CEP290: variants seen among roughly 807,000 people sequenced by gnomAD.
CEP290 encodes centrosomal protein 290, also known as centrosomal protein of 290 kDa.
Under a neutral mutation model 344.9 loss-of-function variants are expected in CEP290, and 317 were observed. That is an observed-to-expected ratio of 0.92 (90% CI 0.84 to 1.01). The LOEUF is 1.01. CEP290 is among the 50% of genes least tolerant of loss of function. CEP290 has a pLI of 0.00. For synonymous variants in CEP290, 932 were observed against 895.8 expected, an observed-to-expected ratio of 1.04 and a Z score of -0.72; for missense variants, 2,754 against 2,761.4, an observed-to-expected ratio of 1.00 and a Z score of 0.06.
chr12:88,079,242 C>G lies in CEP290; in HGVS notation c.5227-13G>C. On this transcript the variant is annotated splice_polypyrimidine_tract_variant and intron_variant, in intron 38 of 53. Coordinates refer to ENST00000552810, the MANE Select transcript of CEP290 (RefSeq NM_025114.4). Reference sequence around the variant, plus strand: ...CCCGACTAAGTGCCTAAAAATTAACCAAAAAAAAAATGTAATTTTTAAAGG... The same window carrying G: ...CCCGACTAAGTGCCTAAAAATTAACGAAAAAAAAAATGTAATTTTTAAAGG... The G allele has an allele frequency of 8.0e-7, 1 of 1,248,860 alleles. No individual in the cohort carries two copies. Among genetic ancestry groups the G allele is most frequent in the Non-Finnish European group, 1.1e-6 (1 of 918,340 alleles). 77.4% of individuals were successfully genotyped at this position (1,248,860 alleles called of 1,614,324 possible). A position where few individuals can be genotyped will look rare whatever the true frequency, so the allele number is the denominator to read the frequency against.
At chr12:88,131,372 C>G (rs2040062279) in intron 6 of CEP290, among the ~76,000 whole-genome samples, 154 bp from the exon 7 acceptor site, 2 of 151,698 alleles carry the variant, frequency 1.3e-5, no homozygotes, top group African/African-American at 2.4e-5. Flanking sequence ...AAGCAATTCT[C>G]CCACCTCAGC....
chr12:88,103,035 G>C (rs2038015152), intron 25 of CEP290, 24 bp from the exon 26 acceptor site: 2 of 1,464,266 alleles, frequency 1.4e-6, no homozygotes, highest in South Asian at 1.5e-5. Flanking sequence ...GATACACTGA[G>C]TTATGCTGGT....
chr12:88,101,691 G>A (rs2037901201), intron 26 of CEP290, among the ~76,000 whole-genome samples: 1 of 150,636 alleles, frequency 6.6e-6, no homozygotes, highest in Non-Finnish European at 1.5e-5. Context: ...TAGGAAAGAT[G>A]AAAAATACTC....
intron 34 of CEP290, 59 bp downstream of exon 34, chr12:88,085,980 G>A: frequency 6.9e-7 from 1 of 1,458,628 alleles, no homozygotes; most frequent in Non-Finnish European, 9.2e-7. Context: ...ATATTATTTA[G>A]AAAGCCCCCC....
In CEP290 at chr12:88,066,469, GTTTC is replaced by G. The variant is rs200336274; in HGVS notation, c.6135+2049_6135+2052del. Among the ~76,000 whole-genome samples the G allele has an allele frequency of 2.1e-4, 8 of 37,212 alleles. 1 individual carries two copies. Among genetic ancestry groups the G allele is most frequent in the Admixed American group, 8.4e-4 (2 of 2,382 alleles). The allele number at this position is 37,212 out of a possible 152,430, so 24.4% of individuals were successfully genotyped here. On this transcript the variant is annotated intron_variant, in intron 44 of 53. Coordinates refer to ENST00000552810, the MANE Select transcript of CEP290 (RefSeq NM_025114.4). ...TGTGCACAATCACACCCAGCTAATT[GTTTC>G]TTTTTTTTTTTTTTTCTGGTAGAGA...
intron 11 of CEP290, among the ~76,000 whole-genome samples, chr12:88,128,673 T>G (rs945463525): frequency 6.6e-6 from 1 of 152,132 alleles, no homozygotes; most frequent in Non-Finnish European, 1.5e-5. Context: ...AATTATATAT[T>G]TTAGATGCCA....
chr12:88,094,442 T>C (rs923553375), intron 27 of CEP290, among the ~76,000 whole-genome samples: 1 of 152,114 alleles, frequency 6.6e-6, no homozygotes, highest in Non-Finnish European at 1.5e-5. Flanking sequence ...ATATGATGGA[T>C]AGATTCTACC....
In CEP290 at chr12:88,089,231, G is replaced by A. The variant is rs749710169; in HGVS notation, c.3830C>T (p.Ala1277Val). ...IQSLRRQFSGALPLAQQEKFS... is the reference protein window; with the variant it reads ...IQSLRRQFSGVLPLAQQEKFS... ...CTTTTCCTGTTGTGCCAAGGGTAAA[G>A]CTCCACTAAACTGTCGTCGTAGAGA... The change falls in exon 31 of 54, where the codon GCT becomes GTT. Residue 1277 changes from alanine to valine, a missense_variant. Transcript: ENST00000552810. 1.2e-6 allele frequency: 2 copies of A among 1,613,752 alleles called. No homozygotes were observed. The highest frequency in any genetic ancestry group is 2.2e-5 in the East Asian group (1 of 44,870).
In CEP290 at chr12:88,118,232, A is replaced by C. The variant is rs116932106; in HGVS notation, c.1711+251T>G. The stretch of plus-strand genomic sequence containing the variant: ...CTATAAAACTTTTCAAAAATTCCAT[A>C]ATTCTAAGGTTTTTTTCTTTTTTGT... On this transcript the variant is annotated intron_variant, in intron 17 of 53. Transcript: ENST00000552810. 4.2e-3 allele frequency among the ~76,000 whole-genome samples: 640 copies of C among 152,082 alleles called. 6 individuals carry two copies. The highest frequency in any genetic ancestry group is 0.041 in the East Asian group (214 of 5,186).
Position 88,063,975 on chromosome 12 carries a change from A to T in CEP290, c.6270+6T>A, listed in dbSNP as rs781624373. 2 of 1,585,646 alleles carry T rather than the reference A, an allele frequency of 1.3e-6. No individual in the cohort carries two copies. Among genetic ancestry groups the T allele is most frequent in the Non-Finnish European group, 1.7e-6 (2 of 1,167,208 alleles). On this transcript the variant is annotated splice_donor_region_variant and intron_variant, in intron 45 of 53. Transcript: ENST00000552810. ...TAGATTTCCTAATAAAAAACATTAA[A>T]TTCACCTTTAATCTTGGCAAATCTT...
chr12:88,107,165 C>T, intron 23 of CEP290, 67 bp from the exon 24 acceptor site: 2 of 1,001,824 alleles, frequency 2.0e-6, no homozygotes, highest in South Asian at 1.8e-5. Flanking sequence ...GAAAAGATAA[C>T]TTCAGATTAT....
In CEP290 at chr12:88,094,418, T is replaced by C. The variant is rs2037280724; in HGVS notation, c.3104-443A>G. Among the ~76,000 whole-genome samples, 2 of 152,124 alleles carry C rather than the reference T, an allele frequency of 1.3e-5. 1 individual carries two copies. Among genetic ancestry groups the C allele is most frequent in the East Asian group, 3.9e-4 (2 of 5,194 alleles). On this transcript the variant is annotated intron_variant, in intron 27 of 53. Coordinates refer to ENST00000552810, the MANE Select transcript of CEP290 (RefSeq NM_025114.4). ...AGTCTCACAAAGCCAAGCTGAAAAG[T>C]AAAATCTGAAGCCATATGATGGATA...
chr12:88,078,063 T>C (rs931808246), intron 39 of CEP290, 145 bp from the exon 40 acceptor site: 9 of 381,308 alleles, frequency 2.4e-5, no homozygotes, highest in African/African-American at 1.7e-4. Context: ...AACCACAAAC[T>C]ACATATATTT....
At chr12:88,094,056 A>G in intron 27 of CEP290, 81 bp from the exon 28 acceptor site, 2 of 1,070,552 alleles carry the variant, frequency 1.9e-6, no homozygotes. Context: ...GTATATTAGA[A>G]AGCATTATAG....
chr12:88,093,750 T>C lies in CEP290; in HGVS notation c.3309+20A>G. The C allele has an allele frequency of 6.5e-7, 1 of 1,544,444 alleles. No individual in the cohort carries two copies. The highest frequency in any genetic ancestry group is 8.8e-7 in the Non-Finnish European group (1 of 1,131,534). Reference sequence around the variant, plus strand: ...AATTCTTTATTCTATAATTGTATGATAAAACTTATAATATCAAACCTCAGC... The same window carrying C: ...AATTCTTTATTCTATAATTGTATGACAAAACTTATAATATCAAACCTCAGC... On this transcript the variant is annotated intron_variant, in intron 28 of 53. Transcript: ENST00000552810.
Position 88,130,225 on chromosome 12 carries a change from T to C in CEP290, c.669+43A>G, listed in dbSNP as rs763928220. ...TATTTACATTGTAATGAAATTAAAG[T>C]TTTTAGGAACCATTGCTCTGAATTG... On this transcript the variant is annotated intron_variant, in intron 9 of 53. Coordinates refer to ENST00000552810, the MANE Select transcript of CEP290 (RefSeq NM_025114.4). 5 of 1,537,826 alleles carry C rather than the reference T, an allele frequency of 3.3e-6. No individual in the cohort carries two copies. In the Admixed American group the frequency reaches 9.0e-5, roughly 28 times the overall value.
At chr12:88,066,195 T>C (rs757918614) in intron 44 of CEP290, among the ~76,000 whole-genome samples, 7 of 152,216 alleles carry the variant, frequency 4.6e-5, no homozygotes, top group African/African-American at 9.6e-5. Flanking sequence ...ATAAATGCTA[T>C]GAACAAACTT....
chr12:88,051,072 C>A (rs1438655785), intron 52 of CEP290, among the ~76,000 whole-genome samples: 2 of 151,936 alleles, frequency 1.3e-5, no homozygotes, highest in Non-Finnish European at 2.9e-5. Context: ...TGCTAGATAT[C>A]TCTTTTCTTT....
In CEP290 at chr12:88,125,354, C is replaced by T. The variant is rs999155745; in HGVS notation, c.1081G>A (p.Asp361Asn). The T allele has an allele frequency of 1.5e-6, 2 of 1,316,792 alleles. No individual in the cohort carries two copies. Among genetic ancestry groups the T allele is most frequent in the South Asian group, 2.2e-5 (1 of 45,752 alleles). 81.6% of individuals were successfully genotyped at this position (1,316,792 alleles called of 1,614,324 possible). ...MALQQGIQER[D>N]SQIKMLTEQV... ...TCGGTGAGCATCTTAATTTGACTGT[C>T]TCGTTCCTGTATACCCTATAAAATA... Residue 361 changes from aspartate (D) to asparagine (N), a missense_variant, in exon 13 of 54, where the codon GAC becomes AAC. By Grantham distance (23) the Asp-to-Asn change is conservative. Coordinates refer to ENST00000552810, the MANE Select transcript of CEP290 (RefSeq NM_025114.4).
Sources: gnomAD v4.1 joint callset for allele counts (sites outside exome capture counted in the v4.1 genomes callset) on GRCh38, gnomAD v4.1.1 for gene constraint, MANE v1.5 for transcripts, NCBI Gene and HGNC (gene_info 2026-07-23, HGNC 2026-07-21) for gene names.